Variants in XKR9 observed in about 807,000 individuals in gnomAD.
XKR9 encodes the protein XK-related protein 9.
In XKR9, 32 loss-of-function variants were observed where a neutral mutation model predicts 32.0. The ratio of observed to expected loss-of-function variants is 1.00; its 90% CI spans 0.76 to 1.34. The LOEUF (loss-of-function observed/expected upper bound fraction) is 1.34. Among genes scored for constraint, XKR9 ranks in the 40% most tolerant of loss-of-function variants. The probability of loss-of-function intolerance (pLI) is 0.00; values close to 1 mark genes in which losing one functional copy is unlikely to be tolerated. For synonymous variants in XKR9, 168 were observed against 143.4 expected, an observed-to-expected ratio of 1.17 and a Z score of -1.22; for missense variants, 546 against 429.7, an observed-to-expected ratio of 1.27 and a Z score of -2.39.
At chr8:70,897,717 A>G in the XKR9 span, among the ~76,000 whole-genome samples, 3 of 152,124 alleles carry the variant, frequency 2.0e-5, no homozygotes, top group Non-Finnish European at 4.4e-5. Flanking sequence ...CCACTTTTAA[A>G]TAGGATTATT....
chr8:70,710,839 A>C (rs1454697929), intron 4 of XKR9, among the ~76,000 whole-genome samples: 2 of 152,200 alleles, frequency 1.3e-5, no homozygotes, highest in Non-Finnish European at 2.9e-5. Context: ...AGCAGAGTAA[A>C]CAAACAACCT....
chr8:70,801,288 T>G, the XKR9 span, among the ~76,000 whole-genome samples: 1 of 152,162 alleles, frequency 6.6e-6, no homozygotes, highest in Non-Finnish European at 1.5e-5. Context: ...AACTTTTTGA[T>G]GTGAGTTTTT....
the XKR9 span, among the ~76,000 whole-genome samples, chr8:71,011,985 C>A: frequency 6.6e-6 from 1 of 152,148 alleles, no homozygotes; most frequent in African/African-American, 2.4e-5. Flanking sequence ...TAGCTGGTAT[C>A]CCACCCTACC....
the XKR9 span, among the ~76,000 whole-genome samples, chr8:70,992,194 G>C: frequency 6.6e-6 from 1 of 152,140 alleles, no homozygotes; most frequent in South Asian, 2.1e-4. Context: ...CTTGCTTTCT[G>C]TCTGTATTCC....
chr8:70,951,837 G>T, the XKR9 span, among the ~76,000 whole-genome samples: 2 of 151,696 alleles, frequency 1.3e-5, no homozygotes, highest in African/African-American at 4.9e-5. Context: ...CCTGGCCCCG[G>T]CTCCACTACA....
the XKR9 span, among the ~76,000 whole-genome samples, chr8:70,998,279 G>A: frequency 1.3e-5 from 2 of 152,114 alleles, no homozygotes; most frequent in African/African-American, 4.8e-5. Context: ...ATTACTTCAT[G>A]AAGCATGTCT....
At chr8:70,680,627 A>G (rs1293772976) in intron 2 of XKR9, among the ~76,000 whole-genome samples, 154 bp from the exon 3 acceptor site, 1 of 152,122 alleles carries the variant, frequency 6.6e-6, no homozygotes, top group African/African-American at 2.4e-5. Flanking sequence ...ACTATCAAGT[A>G]TATTTCTGAG....
At chr8:70,769,341 C>G (rs540180053) in intron 2 of XKR9, among the ~76,000 whole-genome samples, 14 of 151,062 alleles carry the variant, frequency 9.3e-5, no homozygotes, top group Non-Finnish European at 5.9e-5. Flanking sequence ...TGTGGGTTAT[C>G]TGACCTTTCT....
chr8:70,997,339 G>T, the XKR9 span, among the ~76,000 whole-genome samples: 2 of 151,418 alleles, frequency 1.3e-5, no homozygotes, highest in Non-Finnish European at 2.9e-5. Flanking sequence ...CCCCGCACAA[G>T]TTTACCTGTT....
intron 4 of XKR9, among the ~76,000 whole-genome samples, chr8:70,731,979 G>T (rs1467810123): frequency 1.3e-5 from 2 of 152,172 alleles, no homozygotes; most frequent in African/African-American, 4.8e-5. Context: ...AATTCTCCCT[G>T]AAATTTTCCT....
the XKR9 span, among the ~76,000 whole-genome samples, chr8:70,980,911 G>A: frequency 6.6e-6 from 1 of 152,108 alleles, no homozygotes; most frequent in Non-Finnish European, 1.5e-5. Flanking sequence ...TAGTTTCACT[G>A]GATACAAAAT....
At chr8:70,886,848 T>C in the XKR9 span, among the ~76,000 whole-genome samples, 1 of 152,182 alleles carries the variant, frequency 6.6e-6, no homozygotes, top group Non-Finnish European at 1.5e-5. Context: ...TTGTTCACTC[T>C]GATGATATTT....
At chr8:70,989,971 A>G in the XKR9 span, among the ~76,000 whole-genome samples, 4 of 152,318 alleles carry the variant, frequency 2.6e-5, no homozygotes, top group Non-Finnish European at 5.9e-5. Flanking sequence ...TTCATTTAGC[A>G]TAATGCCCTT....
At chr8:70,824,288 T>C in the XKR9 span, among the ~76,000 whole-genome samples, 1 of 152,176 alleles carries the variant, frequency 6.6e-6, no homozygotes, top group Non-Finnish European at 1.5e-5. Context: ...TTATAAGTTA[T>C]TTTTAGCAGA....
chr8:71,013,379 C>G, the XKR9 span, among the ~76,000 whole-genome samples: 1 of 152,124 alleles, frequency 6.6e-6, no homozygotes, highest in Admixed American at 6.5e-5. Flanking sequence ...TACACACTCT[C>G]CCCACTGGTG....
At chr8:71,030,981 T>C in the XKR9 span, among the ~76,000 whole-genome samples, 71 of 152,310 alleles carry the variant, frequency 4.7e-4, no homozygotes, top group South Asian at 3.3e-3. Flanking sequence ...TTCCCATTGA[T>C]AATGTTTGCT....
the XKR9 span, among the ~76,000 whole-genome samples, chr8:70,803,445 T>C: frequency 7.2e-5 from 11 of 152,330 alleles, no homozygotes; most frequent in Non-Finnish European, 1.6e-4. Flanking sequence ...TTCTGACATT[T>C]CAGCCATTTC....
At chr8:71,022,420 T>C in the XKR9 span, among the ~76,000 whole-genome samples, 1 of 152,184 alleles carries the variant, frequency 6.6e-6, no homozygotes, top group Admixed American at 6.5e-5. Flanking sequence ...TGGCAGGTTT[T>C]TTTTCAGAAT....
chr8:71,038,284 C>T, the XKR9 span, among the ~76,000 whole-genome samples: 2 of 142,310 alleles, frequency 1.4e-5, no homozygotes, highest in African/African-American at 2.6e-5. Flanking sequence ...TCTTTCTTTT[C>T]TTTTCTCTCT....
Sources: gnomAD v4.1 joint callset for allele counts (sites outside exome capture counted in the v4.1 genomes callset) on GRCh38, gnomAD v4.1.1 for gene constraint, MANE v1.5 for transcripts, NCBI Gene and HGNC (gene_info 2026-07-23, HGNC 2026-07-21) for gene names.